The following COL4A6 variants were observed in gnomAD, a reference collection of about 807,000 sequenced individuals.
COL4A6 encodes the protein collagen type IV alpha 6 chain, also known as collagen alpha-6(IV) chain.
Under a neutral mutation model 126.7 loss-of-function variants are expected in COL4A6, and 59 were observed. That is an observed-to-expected ratio of 0.47 (90% CI 0.38 to 0.58). The LOEUF is 0.58. Ranked by LOEUF, COL4A6 falls within the 20% of genes least tolerant of loss-of-function variation. COL4A6 has a pLI of 0.00. For missense variants in COL4A6, 1,285 were observed against 1,337.3 expected (o/e 0.96, Z 0.61); for synonymous variants, 547 against 496.6 (o/e 1.10, Z -1.35).
intron 23 of COL4A6, among the ~76,000 whole-genome samples, chrX:108,186,586 A>G (rs185886281): frequency 1.8e-5 from 2 of 111,919 alleles, no homozygotes; most frequent in African/African-American, 6.5e-5. Context: ...ATTCAAGTAG[A>G]AAAAGAAGTT....
chrX:108,420,617 T>A (rs2148269206), intron 2 of COL4A6, among the ~76,000 whole-genome samples: 1 of 112,007 alleles, frequency 8.9e-6, no homozygotes. Context: ...TGTAGGATTC[T>A]ATTATGAATA....
intron 44 of COL4A6, among the ~76,000 whole-genome samples, chrX:108,158,864 T>C (rs2033823618): frequency 8.9e-6 from 1 of 112,378 alleles, no homozygotes; most frequent in Non-Finnish European, 1.9e-5. Flanking sequence ...CAGGATATTA[T>C]GTGAGGGACT....
At chrX:108,286,759 A>C (rs1268022332) in intron 3 of COL4A6, among the ~76,000 whole-genome samples, 1 of 110,757 alleles carries the variant, frequency 9.0e-6, no homozygotes, top group Non-Finnish European at 1.9e-5. Context: ...TTTTGTAGAG[A>C]CAAAGTCTCA....
intron 2 of COL4A6, among the ~76,000 whole-genome samples, chrX:108,393,640 A>T (rs1603208867): frequency 4.4e-5 from 5 of 112,800 alleles, no homozygotes; most frequent in Admixed American, 3.8e-4. Context: ...GTGGTACAGT[A>T]TGTGAATTAC....
chrX:108,187,545 C>A (rs1334830470), intron 22 of COL4A6, among the ~76,000 whole-genome samples: 1 of 111,457 alleles, frequency 9.0e-6, no homozygotes, highest in Non-Finnish European at 1.9e-5. Flanking sequence ...ATAACAACCC[C>A]AGAGATCACA....
At position 108,172,525 on chromosome X, in the gene COL4A6, T is replaced by C. The variant is rs763923479; in HGVS notation, c.3146A>G (p.Gln1049Arg). Residue 1049 changes from glutamine to arginine, a missense_variant, in exon 32 of 45, where the codon CAA becomes CGA. Physicochemically the swap from Gln to Arg is conservative, Grantham distance 43. Transcript: ENST00000334504. ...FPGMPGESGSQGIRGSPGLPG... is the reference protein window; with the variant it reads ...FPGMPGESGSRGIRGSPGLPG... ...GAGTCCAGGCGACCCTCTGATACCT[T>C]GTGAACCCTTCGAAGCAATATGGGA... 6 of 1,201,364 alleles carry C rather than the reference T, an allele frequency of 5.0e-6. No individual in the cohort carries two copies. In the African/African-American group the frequency reaches 7.1e-5, roughly 14 times the overall value.
intron 2 of COL4A6, among the ~76,000 whole-genome samples, chrX:108,378,037 A>G (rs916498738): frequency 9.2e-6 from 1 of 108,626 alleles, no homozygotes; most frequent in Non-Finnish European, 1.9e-5. Flanking sequence ...TAGGCAGTCC[A>G]TTTGTGTAGG....
intron 2 of COL4A6, among the ~76,000 whole-genome samples, chrX:108,335,979 G>C (rs1422727212): frequency 9.0e-6 from 1 of 111,409 alleles, no homozygotes; most frequent in Non-Finnish European, 1.9e-5. Context: ...TATATCACTT[G>C]CTCAACGTCG....
chrX:108,185,814 A>G (rs1463942872), intron 23 of COL4A6, among the ~76,000 whole-genome samples: 1 of 112,266 alleles, frequency 8.9e-6, no homozygotes, highest in African/African-American at 3.2e-5. Flanking sequence ...GAGATATATA[A>G]TTTAAGTAGC....
chrX:108,286,099 G>C (rs759717292), intron 3 of COL4A6, among the ~76,000 whole-genome samples: 5 of 111,730 alleles, frequency 4.5e-5, no homozygotes, highest in Admixed American at 2.8e-4. Context: ...CTGGTTTCTT[G>C]GCAATGATAA....
chrX:108,266,974 G>T (rs2037319118), intron 3 of COL4A6, among the ~76,000 whole-genome samples: 2 of 111,951 alleles, frequency 1.8e-5, no homozygotes. Flanking sequence ...CCAGACAAAA[G>T]AAATTTATTT....
chrX:108,279,934 T>C (rs2037750269), intron 3 of COL4A6, among the ~76,000 whole-genome samples: 3 of 111,056 alleles, frequency 2.7e-5, no homozygotes, highest in African/African-American at 9.8e-5. Flanking sequence ...AAAGATGTTC[T>C]TTGAAACCAA....
At chrX:108,269,546 A>G (rs1266558322) in intron 3 of COL4A6, among the ~76,000 whole-genome samples, 1 of 111,444 alleles carries the variant, frequency 9.0e-6, no homozygotes, top group East Asian at 2.8e-4. Context: ...CAGATTCACA[A>G]TTCAAGGGCC....
chrX:108,294,567 C>T (rs1357858035), intron 3 of COL4A6, among the ~76,000 whole-genome samples: 24 of 109,890 alleles, frequency 2.2e-4, no homozygotes, highest in African/African-American at 7.0e-4. Flanking sequence ...TTTGGTGTTC[C>T]TATGAATGAA....
At chrX:108,357,837 G>A (rs770086470) in intron 2 of COL4A6, among the ~76,000 whole-genome samples, 1 of 111,083 alleles carries the variant, frequency 9.0e-6, no homozygotes, top group Non-Finnish European at 1.9e-5. Flanking sequence ...TTACGTATAT[G>A]TTGTCCTAGA....
chrX:108,157,540 C>G (rs1234394430), intron 44 of COL4A6, among the ~76,000 whole-genome samples: 2 of 111,732 alleles, frequency 1.8e-5, no homozygotes, highest in Non-Finnish European at 3.8e-5. Context: ...TGTCAAGCAG[C>G]AATTCCCAAA....
At chrX:108,416,817 G>C (rs760685261) in intron 2 of COL4A6, among the ~76,000 whole-genome samples, 9 of 111,709 alleles carry the variant, frequency 8.1e-5, no homozygotes, top group Non-Finnish European at 1.5e-4. Flanking sequence ...GGGTGTAGAA[G>C]GGCACAATCA....
chrX:108,169,511 C>T lies in COL4A6; in HGVS notation c.3675G>A (p.Gly1225=). 1 of 1,211,319 alleles carries T rather than the reference C, an allele frequency of 8.3e-7. No homozygotes were observed. ...TGGACTCACCTCGATCACCTTTTTG[C>T]CCTCTCAGGCCCGGCTTCCCTGGAG... The part of the protein sequence containing the change: ...IGAPGKPGLR[G]QKGDRGFPGL... Residue 1225 remains glycine, a synonymous_variant, in exon 37 of 45, where the codon GGG becomes GGA. Transcript: ENST00000334504.
intron 2 of COL4A6, among the ~76,000 whole-genome samples, chrX:108,404,610 A>T (rs1352546168): frequency 1.8e-5 from 2 of 112,221 alleles, no homozygotes; most frequent in Admixed American, 1.9e-4. Context: ...CTATTGGAGA[A>T]CAATGGCTTC....
Sources: allele counts gnomAD v4.1 joint callset (sites outside exome capture counted in the v4.1 genomes callset), GRCh38; gene constraint gnomAD v4.1.1; transcripts MANE v1.5; gene names NCBI Gene and HGNC (gene_info 2026-07-23, HGNC 2026-07-21).